Variants in FCER1A observed in about 807,000 individuals in gnomAD.
FCER1A encodes Fc epsilon receptor Ia, also known as high affinity immunoglobulin epsilon receptor subunit alpha.
In FCER1A, 24 loss-of-function variants were observed where a neutral mutation model predicts 23.6. That is an observed-to-expected ratio of 1.02 (90% confidence interval 0.74 to 1.43). The LOEUF is 1.43. FCER1A is among the 40% of genes most tolerant of loss of function. FCER1A has a pLI of 0.00. For missense variants in FCER1A, 318 were observed against 294.5 expected (o/e 1.08, Z -0.58); for synonymous variants, 121 against 108.8 (o/e 1.11, Z -0.70).
At chr1:159,305,010 C>G (rs115519840) in intron 3 of FCER1A, among the ~76,000 whole-genome samples, 16 of 152,294 alleles carry the variant, frequency 1.1e-4, no homozygotes, top group African/African-American at 3.6e-4. Context: ...CAACAAATAG[C>G]ATAGCATGCT....
intron 2 of FCER1A, among the ~76,000 whole-genome samples, chr1:159,303,447 C>T (rs1557969523): frequency 6.6e-6 from 1 of 152,124 alleles, no homozygotes; most frequent in African/African-American, 2.4e-5. Context: ...TATATACTTA[C>T]AATTAAATAG....
intron 1 of FCER1A, among the ~76,000 whole-genome samples, chr1:159,291,393 T>C (rs1652149701): frequency 6.6e-6 from 1 of 152,218 alleles, no homozygotes; most frequent in Non-Finnish European, 1.5e-5. Flanking sequence ...TTTATGTTAC[T>C]GCTCTGATGG....
upstream of FCER1A, among the ~76,000 whole-genome samples, chr1:159,300,265 G>C (rs992480997): frequency 6.6e-6 from 1 of 152,068 alleles, no homozygotes; most frequent in Non-Finnish European, 1.5e-5. Flanking sequence ...TTTAGATAAC[G>C]ACTTCAGAGG....
chr1:159,307,276 TAAAC>T (rs921303221), intron 4 of FCER1A, among the ~76,000 whole-genome samples: 2 of 152,224 alleles, frequency 1.3e-5, no homozygotes, highest in Non-Finnish European at 2.9e-5. Context: ...GTACAGTTTA[TAAAC>T]AGACTAACAG....
intron 1 of FCER1A, among the ~76,000 whole-genome samples, chr1:159,294,177 T>C (rs1039686002): frequency 6.6e-6 from 1 of 152,198 alleles, no homozygotes; most frequent in Non-Finnish European, 1.5e-5. Flanking sequence ...CTCAGGGATC[T>C]AGAACTAGAA....
upstream of FCER1A, among the ~76,000 whole-genome samples, chr1:159,297,575 G>T (rs553578803): frequency 2.0e-5 from 3 of 152,248 alleles, no homozygotes; most frequent in Admixed American, 2.0e-4. Flanking sequence ...CATTTTACTG[G>T]TGAGAAGGCT....
chr1:159,294,503 G>T (rs1028020087), intron 1 of FCER1A, among the ~76,000 whole-genome samples: 2 of 152,056 alleles, frequency 1.3e-5, no homozygotes, highest in African/African-American at 4.8e-5. Context: ...GTCCTTGTAC[G>T]TCTATGGAGC....
chr1:159,297,616 G>A (rs1012494408), upstream of FCER1A, among the ~76,000 whole-genome samples: 1 of 152,140 alleles, frequency 6.6e-6, no homozygotes, highest in African/African-American at 2.4e-5. Context: ...GGTCACAGCC[G>A]AGACTCAAAC....
intron 1 of FCER1A, 60 bp downstream of exon 1, chr1:159,302,479 G>C: frequency 5.0e-6 from 6 of 1,194,864 alleles, no homozygotes; most frequent in Non-Finnish European, 7.5e-6. Context: ...GGAGCAGCTG[G>C]GGTAGGAACC....
At chr1:159,299,182 C>T (rs2102224812), upstream of FCER1A, among the ~76,000 whole-genome samples, 1 of 152,250 alleles carries the variant, frequency 6.6e-6, no homozygotes, top group African/African-American at 2.4e-5. Flanking sequence ...ATTTGATCCT[C>T]AGGGAGAGAT....
upstream of FCER1A, among the ~76,000 whole-genome samples, chr1:159,285,130 T>TA (rs1435817092): frequency 2.0e-5 from 3 of 152,178 alleles, no homozygotes; most frequent in East Asian, 5.8e-4. Context: ...TCTTCTGTGT[T>TA]ACAAGATGTT....
Position 159,304,018 on chromosome 1 carries a change from T to G in FCER1A, c.167T>G (p.Phe56Cys). 11 of 1,614,054 alleles carry G rather than the reference T, an allele frequency of 6.8e-6. No homozygotes were observed. Among genetic ancestry groups the G allele is most frequent in the Non-Finnish European group, 9.3e-6 (11 of 1,179,900 alleles). ...ACTCTTACATGTAATGGGAACAATT[T>G]CTTTGAAGTCAGTTCCACCAAATGG... ...NVTLTCNGNN[F>C]FEVSSTKWFH... The change falls in exon 3 of 5, where the codon TTC becomes TGC. Residue 56 changes from phenylalanine to cysteine, a missense_variant. Phe to Cys is a radical substitution (Grantham distance 205). Transcript: ENST00000693622.
At chr1:159,307,255 C>A (rs1652643474) in intron 4 of FCER1A, among the ~76,000 whole-genome samples, 1 of 152,074 alleles carries the variant, frequency 6.6e-6, no homozygotes, top group Non-Finnish European at 1.5e-5. Flanking sequence ...TGAGACTAAT[C>A]ACAAAAATCG....
At chr1:159,299,645 A>G (rs1652378120), upstream of FCER1A, among the ~76,000 whole-genome samples, 1 of 152,196 alleles carries the variant, frequency 6.6e-6, no homozygotes, top group South Asian at 2.1e-4. Context: ...AGAAGCAAGA[A>G]CTGAAATTTA....
chr1:159,305,255 T>C (rs1652565975), intron 3 of FCER1A, among the ~76,000 whole-genome samples: 1 of 152,246 alleles, frequency 6.6e-6, no homozygotes, highest in African/African-American at 2.4e-5. Context: ...ATGCTTATTA[T>C]GCTAGCGATA....
At chr1:159,306,367 C>A in intron 4 of FCER1A, 122 bp downstream of exon 4, 1 of 852,094 alleles carries the variant, frequency 1.2e-6, no homozygotes, top group South Asian at 1.8e-5. Flanking sequence ...GCCTACCAGA[C>A]TTGCAATGAG....
At chr1:159,289,913 T>C (rs1652105052) in intron 1 of FCER1A, among the ~76,000 whole-genome samples, 1 of 152,154 alleles carries the variant, frequency 6.6e-6, no homozygotes, top group Admixed American at 6.5e-5. Flanking sequence ...CCTTGTTTTG[T>C]TTTAACTGCT....
intron 1 of FCER1A, among the ~76,000 whole-genome samples, chr1:159,297,089 C>T (rs778113231): frequency 2.0e-5 from 3 of 152,180 alleles, no homozygotes; most frequent in Non-Finnish European, 4.4e-5. Flanking sequence ...CGTTTTGAAA[C>T]TGTGTAATTC....
At chr1:159,293,637 T>C (rs1466079073) in intron 1 of FCER1A, among the ~76,000 whole-genome samples, 1 of 146,622 alleles carries the variant, frequency 6.8e-6, no homozygotes, top group African/African-American at 2.5e-5. Context: ...AGTGAGAATA[T>C]GCGGTGTTTG....
Sources: allele counts gnomAD v4.1 joint callset (sites outside exome capture counted in the v4.1 genomes callset), GRCh38; gene constraint gnomAD v4.1.1; transcripts MANE v1.5; gene names NCBI Gene and HGNC (gene_info 2026-07-23, HGNC 2026-07-21).